Variants in ITGA11 observed in about 807,000 individuals in gnomAD.
ITGA11 encodes integrin alpha-11.
ITGA11 carries 97 observed loss-of-function variants against 141.9 expected under a neutral mutation model. The observed-to-expected ratio is 0.68, with a 90% CI of 0.58 to 0.81. The LOEUF (loss-of-function observed/expected upper bound fraction) is 0.81, where lower values mean the gene tolerates loss of function less well. ITGA11 is among the 30% of genes least tolerant of loss of function. The probability of loss-of-function intolerance (pLI) is 0.00; values close to 1 mark genes in which losing one functional copy is unlikely to be tolerated. For missense variants in ITGA11, 1,387 were observed against 1,559.2 expected (o/e 0.89, Z 1.86); for synonymous variants, 658 against 624.6 (o/e 1.05, Z -0.80).
intron 1 of ITGA11, among the ~76,000 whole-genome samples, chr15:68,405,414 G>A (rs1450424840): frequency 6.6e-6 from 1 of 152,086 alleles, no homozygotes; most frequent in Non-Finnish European, 1.5e-5. Flanking sequence ...TGGGTACAGG[G>A]GAGGACAGTG....
intron 11 of ITGA11, among the ~76,000 whole-genome samples, chr15:68,336,563 G>T (rs1309229670): frequency 6.6e-6 from 1 of 152,072 alleles, no homozygotes; most frequent in Non-Finnish European, 1.5e-5. Flanking sequence ...ATCTCAAGTC[G>T]CCCACCCAGT....
chr15:68,365,577 C>G (rs1280614095), intron 3 of ITGA11: 2 of 144,454 alleles, frequency 1.4e-5, no homozygotes, highest in African/African-American at 5.7e-5. Context: ...TGTGTGTGCA[C>G]GTGTACAGGA....
intron 11 of ITGA11, among the ~76,000 whole-genome samples, chr15:68,339,298 T>C (rs1463506409): frequency 6.6e-6 from 1 of 151,926 alleles, no homozygotes; most frequent in African/African-American, 2.4e-5. Flanking sequence ...GAGCCTGTTA[T>C]ACGCTGGGCA....
intron 5 of ITGA11, among the ~76,000 whole-genome samples, chr15:68,359,444 G>T (rs544903633): frequency 6.6e-6 from 1 of 152,252 alleles, no homozygotes; most frequent in Admixed American, 6.5e-5. Context: ...TCAGGAGTTC[G>T]AGACCAGCCT....
intron 18 of ITGA11, among the ~76,000 whole-genome samples, chr15:68,323,236 G>A (rs543421287): frequency 1.2e-4 from 18 of 152,242 alleles, no homozygotes; most frequent in African/African-American, 1.9e-4. Flanking sequence ...CCGTGGAGCC[G>A]TTTGGGAAAG....
intron 2 of ITGA11, among the ~76,000 whole-genome samples, chr15:68,387,402 C>A (rs1395396264): frequency 6.6e-6 from 1 of 152,112 alleles, no homozygotes; most frequent in Non-Finnish European, 1.5e-5. Flanking sequence ...CCCAGACCAG[C>A]AGCACCAGCA....
chr15:68,348,908 A>G lies in ITGA11; in HGVS notation c.1061-8T>C, dbSNP rs769678097. 7.5e-6 allele frequency: 12 copies of G among 1,600,580 alleles called. No individual in the cohort carries two copies. In the Admixed American group the frequency reaches 1.5e-4, roughly 21 times the overall value. ...TCTCGTTCTTGTTGGTGCCTGCAAC[A>G]GAGTGACAGAGAGATGTCAGCTCCA... On this transcript the variant is annotated splice_region_variant and splice_polypyrimidine_tract_variant and intron_variant, in intron 9 of 29. Transcript: ENST00000315757.
intron 10 of ITGA11, among the ~76,000 whole-genome samples, chr15:68,345,304 C>A (rs1207423210): frequency 2.6e-5 from 4 of 152,160 alleles, no homozygotes; most frequent in African/African-American, 7.2e-5. Context: ...GGAATATTTT[C>A]TTTCCCCTTT....
intron 20 of ITGA11, among the ~76,000 whole-genome samples, 169 bp from the exon 21 acceptor site, chr15:68,317,532 C>T (rs1400464853): frequency 1.4e-5 from 2 of 147,644 alleles, no homozygotes; most frequent in East Asian, 3.9e-4. Context: ...ACCCCAGAGG[C>T]CCCAGAGGCC....
intron 1 of ITGA11, among the ~76,000 whole-genome samples, chr15:68,424,349 C>T (rs1424774631): frequency 6.6e-6 from 1 of 152,170 alleles, no homozygotes; most frequent in Non-Finnish European, 1.5e-5. Flanking sequence ...TTGTGTGACC[C>T]TAGGCAAGTC....
chr15:68,422,627 T>TA (rs1284467546), intron 1 of ITGA11, among the ~76,000 whole-genome samples: 1 of 152,116 alleles, frequency 6.6e-6, no homozygotes, highest in Non-Finnish European at 1.5e-5. Flanking sequence ...TCCCATCTGC[T>TA]AAATCCAAAT....
At chr15:68,396,955 A>ATTTATTTAAATAT (rs1896269143) in intron 2 of ITGA11, among the ~76,000 whole-genome samples, 1 of 6,636 alleles carries the variant, frequency 1.5e-4, no homozygotes, top group Non-Finnish European at 2.3e-4. Flanking sequence ...TATATTATTT[A>ATTTATTTAAATAT]TTATATAATA....
intron 8 of ITGA11, 107 bp from the exon 9 acceptor site, chr15:68,350,889 C>T: frequency 8.7e-7 from 1 of 1,151,092 alleles, no homozygotes; most frequent in Non-Finnish European, 1.2e-6. Flanking sequence ...GGAGCCAGGG[C>T]CGGTAGCCAT....
chr15:68,347,674 G>A (rs1290844125), intron 10 of ITGA11, among the ~76,000 whole-genome samples: 2 of 152,110 alleles, frequency 1.3e-5, no homozygotes, highest in African/African-American at 2.4e-5. Flanking sequence ...TGGTGTAGAG[G>A]AAAGAGCACG....
rs1408450383 is a variant in ITGA11, at chr15:68,325,060, G to A, written c.2322+71C>T. ...TCTGTACCCGGCACACTCAGGCTCT[G>A]GGCTTTGGGGTTGAGGTGGAGGTGG... On this transcript the variant is annotated intron_variant, in intron 18 of 29. Coordinates refer to ENST00000315757, the MANE Select transcript of ITGA11 (RefSeq NM_001004439.2). This position sits in a 1 kb window ranked among gnomAD's most constrained non-coding sequence, Gnocchi z 5.5. 9 of 1,122,130 alleles carry A rather than the reference G, an allele frequency of 8.0e-6. No homozygotes were observed. Among genetic ancestry groups the A allele is most frequent in the Non-Finnish European group, 1.2e-5 (9 of 732,418 alleles). The allele number at this position is 1,122,130 out of a possible 1,614,324, so 69.5% of individuals were successfully genotyped here. A position where few individuals can be genotyped will look rare whatever the true frequency, so the allele number is the denominator to read the frequency against.
In ITGA11 at chr15:68,326,843, C is replaced by T. The variant is rs370954834; in HGVS notation, c.2069-47G>A. On this transcript the variant is annotated intron_variant, in intron 16 of 29. Coordinates refer to ENST00000315757, the MANE Select transcript of ITGA11 (RefSeq NM_001004439.2). This position sits in a 1 kb window ranked among gnomAD's most constrained non-coding sequence, Gnocchi z 6.8. ...GACCACAAAGGTGGAGCCACATGCC[C>T]ATCCAAGACTGTCTGCCTCCTCCAG... The T allele has an allele frequency of 3.3e-6, 5 of 1,534,574 alleles. No individual in the cohort carries two copies. Among genetic ancestry groups the T allele is most frequent in the African/African-American group, 1.4e-5 (1 of 72,912 alleles).
Position 68,348,872 on chromosome 15 carries a change from C to G in ITGA11, c.1089G>C (p.Gly363=), listed in dbSNP as rs780452800. The change falls in exon 10 of 30, where the codon GGG becomes GGC. Residue 363 remains glycine, a synonymous_variant. Transcript: ENST00000315757. ...AAAAGCCCGTCTGTGACATCTCCAG[C>G]CCAAAGGAGGTCTCGTTCTTGTTGG... ...EGTNKNETSF[G]LEMSQTGFSS... 1 of 1,609,220 alleles carries G rather than the reference C, an allele frequency of 6.2e-7. No homozygotes were observed.
chr15:68,339,414 A>T, intron 11 of ITGA11, 86 bp downstream of exon 11: 1 of 1,447,868 alleles, frequency 6.9e-7, no homozygotes, highest in Non-Finnish European at 9.4e-7. Flanking sequence ...CAGGCCCCTC[A>T]CTCGTGTGTG....
chr15:68,345,805 A>T (rs1013034520), intron 10 of ITGA11, among the ~76,000 whole-genome samples: 3 of 152,108 alleles, frequency 2.0e-5, no homozygotes, highest in African/African-American at 7.2e-5. Flanking sequence ...TGACCCTGAG[A>T]GCTGAGGAGT....
Sources: allele counts gnomAD v4.1 joint callset (sites outside exome capture counted in the v4.1 genomes callset), GRCh38; gene constraint gnomAD v4.1.1; non-coding constraint Gnocchi (gnomAD v3.1); transcripts MANE v1.5; gene names NCBI Gene and HGNC (gene_info 2026-07-23, HGNC 2026-07-21).